Variants in MAPK7 observed in about 807,000 individuals in gnomAD.
MAPK7 encodes the protein BMK-1.
Under a neutral mutation model 56.9 loss-of-function variants are expected in MAPK7, and 30 were observed. The observed-to-expected ratio is 0.53, with a 90% confidence interval of 0.39 to 0.72. The LOEUF (loss-of-function observed/expected upper bound fraction) is 0.72, where lower values mean the gene tolerates loss of function less well. Among genes scored for constraint, MAPK7 ranks in the 30% least tolerant of loss-of-function variants. The pLI is 0.00. For synonymous variants in MAPK7, 516 were observed against 449.3 expected (o/e 1.15, Z -1.88); for missense variants, 952 against 1,110.8 (o/e 0.86, Z 2.03).
chr17:19,380,220 A>C (rs1912534128), intron 3 of MAPK7: 1 of 518,954 alleles, frequency 1.9e-6, no homozygotes, highest in African/African-American at 1.9e-5. Context: ...TTCCCATAGC[A>C]GACTTCACTA....
upstream of MAPK7, chr17:19,378,200 G>C: frequency 1.0e-6 from 1 of 984,496 alleles, no homozygotes; most frequent in Non-Finnish European, 1.2e-6. The surrounding 1 kb of genome is among the most constrained non-coding windows in gnomAD (Gnocchi z 5.4). Flanking sequence ...TCATGGGGAC[G>C]CGCGCGCTAC....
At chr17:19,379,589 G>C in intron 2 of MAPK7, 193 bp from the exon 3 acceptor site, 1 of 599,288 alleles carries the variant, frequency 1.7e-6, no homozygotes, top group Non-Finnish European at 2.9e-6. Flanking sequence ...GACCTGCCCC[G>C]CAGGGGAGTT....
At chr17:19,378,337 G>T (rs1352746025), upstream of MAPK7, 14 of 988,094 alleles carry the variant, frequency 1.4e-5, no homozygotes, top group Non-Finnish European at 1.7e-5. This position sits in a 1 kb window ranked among gnomAD's most constrained non-coding sequence, Gnocchi z 5.4. Context: ...TCCCGCCGGC[G>T]AGCTGGACAG....
At chr17:19,379,746 G>C in intron 2 of MAPK7, 36 bp from the exon 3 acceptor site, 1 of 1,600,200 alleles carries the variant, frequency 6.2e-7, no homozygotes, top group South Asian at 1.1e-5. Flanking sequence ...TTTCTCCAAG[G>C]TATCCTCTGG....
chr17:19,382,401 C>T lies in MAPK7; in HGVS notation c.2098C>T (p.Pro700Ser). 1.2e-6 allele frequency: 2 copies of T among 1,612,856 alleles called. No homozygotes were observed. Among genetic ancestry groups the T allele is most frequent in the Non-Finnish European group, 1.7e-6 (2 of 1,179,600 alleles). The change falls in exon 5 of 7, where the codon CCT (proline) becomes TCT (serine). Residue 700 changes from proline to serine, a missense_variant. Physicochemically the swap from Pro to Ser is moderately conservative, Grantham distance 74 (BLOSUM62 -1). Coordinates refer to ENST00000395604, the MANE Select transcript of MAPK7 (RefSeq NM_002749.4). ...GLPPPDAGGA[P>S]QSSMSESPDV... ...GCCGCCCCCAGACGCCGGGGGAGCC[C>T]CTCAGTCTTCCATGTCAGAGTCACC...
chr17:19,380,660 T>C lies in MAPK7; in HGVS notation c.451T>C (p.Ser151Pro). The change falls in exon 4 of 7, where the codon TCA becomes CCA. Residue 151 changes from serine (S) to proline (P), a missense_variant. Around this residue, in one of 5 missense-constraint regions of MAPK7, gnomAD observed 213 missense variants for 243.2 expected, o/e 0.88. Transcript: ENST00000395604. ...CGACCTGCACCAGATCATCCACTCC[T>C]CACAGCCCCTCACACTGGAACACGT... ...ESDLHQIIHS[S>P]QPLTLEHVRY... is the part of the protein sequence containing the mutation. 1 of 1,613,224 alleles carries C rather than the reference T, an allele frequency of 6.2e-7. No individual in the cohort carries two copies. Among genetic ancestry groups the C allele is most frequent in the Middle Eastern group, 1.6e-4 (1 of 6,062 alleles).
Position 19,379,103 on chromosome 17 carries a change from T to A in MAPK7, c.203T>A (p.Val68Glu). The A allele has an allele frequency of 6.2e-7, 1 of 1,611,016 alleles. No individual in the cohort carries two copies. The highest frequency in any genetic ancestry group is 8.5e-7 in the Non-Finnish European group (1 of 1,179,450). Residue 68 changes from valine to glutamate, a missense_variant, in exon 2 of 7, where the codon GTG becomes GAG. By Grantham distance (121) the Val-to-Glu change is moderately radical. This residue lies in a region of MAPK7 where 213 missense variants were observed against 243.2 expected (regional missense o/e 0.88). Coordinates refer to ENST00000395604, the MANE Select transcript of MAPK7 (RefSeq NM_002749.4). ...ACCATAGGCAACGGGGCCTATGGAGTGGTGTCCTCCGCCCGCCGCCGCCTC... is the reference window on the plus strand; with the variant it reads ...ACCATAGGCAACGGGGCCTATGGAGAGGTGTCCTCCGCCCGCCGCCGCCTC... The part of the protein sequence containing the change: ...IETIGNGAYG[V>E]VSSARRRLTG...
intron 2 of MAPK7, chr17:19,379,376 A>G: frequency 3.4e-6 from 2 of 584,966 alleles, no homozygotes; most frequent in African/African-American, 1.9e-5. Flanking sequence ...CAGTTAGACC[A>G]GAATGGAGAG....
In MAPK7 at chr17:19,381,005, A is replaced by C. The variant is rs767970510; in HGVS notation, c.796A>C (p.Asn266His). The part of the protein sequence containing the change: ...LARRQLFPGK[N>H]YVHQLQLIMM... ...CCGGCGCCAGCTCTTCCCAGGCAAA[A>C]ACTATGTACACCAGCTACAGCTCAT... Residue 266 changes from asparagine to histidine, a missense_variant, in exon 4 of 7, where the codon AAC becomes CAC. Transcript: ENST00000395604. This position sits in a 1 kb window ranked among gnomAD's most constrained non-coding sequence, Gnocchi z 4.6. 1 of 1,614,092 alleles carries C rather than the reference A, an allele frequency of 6.2e-7. No individual in the cohort carries two copies. Among genetic ancestry groups the C allele is most frequent in the South Asian group, 1.1e-5 (1 of 91,078 alleles).
At position 19,381,655 on chromosome 17, in the gene MAPK7, C is replaced by T; in HGVS notation, c.1446C>T (p.Ala482=). ...ATACTAAGGCTGCCCTTAAAGCTGCCCTGCTCAAGTCTTTGAGGAGCCGGC... is the reference window on the plus strand; with the variant it reads ...ATACTAAGGCTGCCCTTAAAGCTGCTCTGCTCAAGTCTTTGAGGAGCCGGC... ...SDNTKAALKA[A]LLKSLRSRLR... The change falls in exon 4 of 7, where the codon GCC becomes GCT. Residue 482 remains alanine, a synonymous_variant. Transcript: ENST00000395604. The surrounding 1 kb of genome is among the most constrained non-coding windows in gnomAD (Gnocchi z 4.6). 1 of 1,606,102 alleles carries T rather than the reference C, an allele frequency of 6.2e-7. No individual in the cohort carries two copies. The highest frequency in any genetic ancestry group is 8.5e-7 in the Non-Finnish European group (1 of 1,175,934).
chr17:19,383,013 C>T, intron 6 of MAPK7, 65 bp from the exon 7 acceptor site: 7 of 1,612,070 alleles, frequency 4.3e-6, no homozygotes, highest in Non-Finnish European at 5.9e-6. Context: ...AGGAGACATG[C>T]ACCTGTGGGA....
At position 19,382,344 on chromosome 17, in the gene MAPK7, C is replaced by G; in HGVS notation, c.2041C>G (p.Pro681Ala). The stretch of plus-strand genomic sequence containing the variant: ...CCCTGGGCTGCCTGGCTCCAGCACC[C>G]CAGGAGTTTTGCCTTACTTCCCACC... ...PPPGLPGSSTPGVLPYFPPGL... is the reference protein window; with the variant it reads ...PPPGLPGSSTAGVLPYFPPGL... Residue 681 changes from proline (P) to alanine (A), a missense_variant, in exon 5 of 7, where the codon CCA (proline) becomes GCA (alanine). By Grantham distance (27) the Pro-to-Ala change is conservative (BLOSUM62 -1). Transcript: ENST00000395604. 1 of 1,613,486 alleles carries G rather than the reference C, an allele frequency of 6.2e-7. No individual in the cohort carries two copies. Among genetic ancestry groups the G allele is most frequent in the Non-Finnish European group, 8.5e-7 (1 of 1,180,028 alleles).
chr17:19,381,461 G>A lies in MAPK7; in HGVS notation c.1252G>A (p.Glu418Lys), dbSNP rs1418684799. The A allele has an allele frequency of 1.9e-6, 3 of 1,614,102 alleles. No homozygotes were observed. Among genetic ancestry groups the A allele is most frequent in the Admixed American group, 1.7e-5 (1 of 60,030 alleles). Residue 418 changes from glutamate (E) to lysine (K), a missense_variant, in exon 4 of 7, where the codon GAA becomes AAA. By Grantham distance (56) the Glu-to-Lys change is moderately conservative (BLOSUM62 1). This residue lies in a region of MAPK7 where 429 missense variants were observed against 533.0 expected (regional missense o/e 0.80). Transcript: ENST00000395604. This position sits in a 1 kb window ranked among gnomAD's most constrained non-coding sequence, Gnocchi z 4.6. ...TAGTGAGCCTGGCTGTCCAGATGTT[G>A]AAATGCCCAGTCCCTGGGCTCCCAG... ...VASEPGCPDVEMPSPWAPSGD... is the reference protein window; with the variant it reads ...VASEPGCPDVKMPSPWAPSGD...
chr17:19,383,394 A>T lies in MAPK7; in HGVS notation c.*163A>T. On this transcript the variant is annotated 3_prime_UTR_variant, in exon 7 of 7. Transcript: ENST00000395604. ...TCAGCCTTAAGCAGCCACCTGAGCC[A>T]CCACCGAGCCATGGCAGGATCGGGA... The T allele has an allele frequency of 1.6e-6, 1 of 641,100 alleles. No individual in the cohort carries two copies. Among genetic ancestry groups the T allele is most frequent in the South Asian group, 2.4e-5 (1 of 41,458 alleles). The allele number at this position is 641,100 out of a possible 1,614,324, so 39.7% of individuals were successfully genotyped here.
In MAPK7 at chr17:19,381,156, C is replaced by T. The variant is rs866090979; in HGVS notation, c.947C>T (p.Ala316Val). 6.2e-7 allele frequency: 1 copy of T among 1,614,016 alleles called. No homozygotes were observed. Reference sequence around the variant, plus strand: ...CCCTGGGAGACAGTGTACCCAGGTGCCGACCGCCAGGCCCTATCACTGCTG... The same window carrying T: ...CCCTGGGAGACAGTGTACCCAGGTGTCGACCGCCAGGCCCTATCACTGCTG... ...PVPWETVYPG[A>V]DRQALSLLGR... The change falls in exon 4 of 7, where the codon GCC (alanine) becomes GTC (valine). Residue 316 changes from alanine to valine, a missense_variant. Coordinates refer to ENST00000395604, the MANE Select transcript of MAPK7 (RefSeq NM_002749.4). This position sits in a 1 kb window ranked among gnomAD's most constrained non-coding sequence, Gnocchi z 4.6.
chr17:19,380,583 C>G (rs1912563696), intron 3 of MAPK7, 25 bp from the exon 4 acceptor site: 24 of 1,568,718 alleles, frequency 1.5e-5, no homozygotes, highest in Non-Finnish European at 2.1e-5. Context: ...CCAACCCATG[C>G]TTCTCTCCTT....
At position 19,381,928 on chromosome 17, in the gene MAPK7, A is replaced by T; in HGVS notation, c.1625A>T (p.Glu542Val). 6.4e-7 allele frequency: 1 copy of T among 1,552,588 alleles called. No individual in the cohort carries two copies. The highest frequency in any genetic ancestry group is 8.7e-7 in the Non-Finnish European group (1 of 1,147,620). The change falls in exon 5 of 7, where the codon GAA (glutamate) becomes GTA (valine). Residue 542 changes from glutamate (E) to valine (V), a missense_variant. Glu to Val is a moderately radical substitution (Grantham distance 121). This residue lies in a region of MAPK7 where 429 missense variants were observed against 533.0 expected (regional missense o/e 0.80). Transcript: ENST00000395604. This position sits in a 1 kb window ranked among gnomAD's most constrained non-coding sequence, Gnocchi z 4.6. ...CGGCGGCAGGAGCGGGAGCGAAAGGAACGGGGGGCTGGGGCCTCTGGGGGC... is the reference window on the plus strand; with the variant it reads ...CGGCGGCAGGAGCGGGAGCGAAAGGTACGGGGGGCTGGGGCCTCTGGGGGC... ...EKRRQERERK[E>V]RGAGASGGPS... is the part of the protein sequence containing the mutation.
Position 19,378,726 on chromosome 17 carries a change from G to T in MAPK7, c.-6+96G>T. 1 of 1,297,294 alleles carries T rather than the reference G, an allele frequency of 7.7e-7. No individual in the cohort carries two copies. Among genetic ancestry groups the T allele is most frequent in the Non-Finnish European group, 1.0e-6 (1 of 1,004,074 alleles). 80.4% of individuals were successfully genotyped at this position (1,297,294 alleles called of 1,614,324 possible). A position where few individuals can be genotyped will look rare whatever the true frequency, so the allele number is the denominator to read the frequency against. The stretch of plus-strand genomic sequence containing the variant: ...CCTCCCCCGACCCTGGCGGGCCCCC[G>T]GCTCTGGGCCCGGACCCCTGGGGTA... On this transcript the variant is annotated intron_variant, in intron 1 of 6. Coordinates refer to ENST00000395604, the MANE Select transcript of MAPK7 (RefSeq NM_002749.4). The surrounding 1 kb of genome is among the most constrained non-coding windows in gnomAD (Gnocchi z 5.4).
At position 19,380,843 on chromosome 17, in the gene MAPK7, G is replaced by A. The variant is rs200671339; in HGVS notation, c.634G>A (p.Ala212Thr). The A allele has an allele frequency of 5.2e-5, 84 of 1,613,438 alleles. No homozygotes were observed. Among genetic ancestry groups the A allele is most frequent in the African/African-American group, 1.9e-4 (14 of 75,006 alleles). The change falls in exon 4 of 7, where the codon GCT becomes ACT. Residue 212 changes from alanine to threonine, a missense_variant. Ala to Thr is a moderately conservative substitution (Grantham distance 58, BLOSUM62 0). Transcript: ENST00000395604. ...GGCTCGTGGCCTGTGCACCTCGCCC[G>A]CTGAACATCAGTACTTCATGACTGA... ...GMARGLCTSP[A>T]EHQYFMTEYV...
Sources: allele counts gnomAD v4.1 joint callset, GRCh38; gene constraint gnomAD v4.1.1; regional missense constraint gnomAD v4.1.1; non-coding constraint Gnocchi (gnomAD v3.1); transcripts MANE v1.5; gene names NCBI Gene and HGNC (gene_info 2026-07-23, HGNC 2026-07-21).